DPP10: variants seen among roughly 807,000 people sequenced by gnomAD.
DPP10 encodes inactive dipeptidyl peptidase 10.
Under a neutral mutation model 120.9 loss-of-function variants are expected in DPP10, and 33 were observed. That is an observed-to-expected ratio of 0.27 (90% CI 0.21 to 0.37). The LOEUF is 0.37. Ranked by LOEUF, DPP10 falls within the 10% of genes least tolerant of loss-of-function variation. DPP10 has a pLI of 1.00. For synonymous variants in DPP10, 337 were observed against 326.1 expected (o/e 1.03, Z -0.36); for missense variants, 816 against 942.8 (o/e 0.87, Z 1.76).
chr2:115,319,126 G>C (rs540234999), intron 2 of DPP10, among the ~76,000 whole-genome samples: 3 of 152,048 alleles, frequency 2.0e-5, no homozygotes, highest in Admixed American at 2.0e-4. Flanking sequence ...GTTGGATATT[G>C]TCAAATAGAT....
chr2:114,521,804 G>GT (rs758908081), intron 1 of DPP10, among the ~76,000 whole-genome samples: 33,145 of 112,186 alleles, frequency 0.3, 6,280 homozygotes, highest in East Asian at 0.46. Context: ...ATTATCCAAG[G>GT]TTTTTTTTTT....
intron 5 of DPP10, among the ~76,000 whole-genome samples, chr2:115,658,813 C>T (rs1166793841): frequency 6.6e-6 from 1 of 152,126 alleles, no homozygotes; most frequent in Non-Finnish European, 1.5e-5. Context: ...TTATGTGAGA[C>T]TAAATGAAGG....
chr2:115,064,695 T>C (rs1442551286), intron 1 of DPP10: 5 of 1,300,732 alleles, frequency 3.8e-6, no homozygotes, highest in African/African-American at 1.5e-5. Context: ...GGAACTGACA[T>C]TGAAGTAAGA....
intron 1 of DPP10, among the ~76,000 whole-genome samples, chr2:115,006,328 G>T (rs1382806130): frequency 6.6e-6 from 1 of 151,226 alleles, no homozygotes; most frequent in Non-Finnish European, 1.5e-5. Context: ...AAAATAACCA[G>T]CTAGCATCAT....
At chr2:114,630,513 G>T (rs1456417276) in intron 1 of DPP10, among the ~76,000 whole-genome samples, 2 of 152,090 alleles carry the variant, frequency 1.3e-5, no homozygotes, top group African/African-American at 4.8e-5. Context: ...ATTTAAATGA[G>T]AAGACAAATA....
chr2:115,422,197 A>G (rs1574796090), intron 3 of DPP10, among the ~76,000 whole-genome samples: 1 of 152,322 alleles, frequency 6.6e-6, no homozygotes, highest in African/African-American at 2.4e-5. Flanking sequence ...AGGATCATTC[A>G]CTGTGAGAGG....
intron 1 of DPP10, among the ~76,000 whole-genome samples, chr2:114,666,871 C>A (rs542762042): frequency 1.1e-3 from 173 of 152,228 alleles, no homozygotes; most frequent in African/African-American, 3.9e-3. Context: ...ATGTCTTAAT[C>A]GTAACTATAT....
rs1389036347 is a variant in DPP10, at chr2:115,380,677, G to C, written c.271+36765G>C. The stretch of plus-strand genomic sequence containing the variant: ...GGTCTTTACATTTTGGCATGATTTT[G>C]CAGTGGCTGGTACCAGTTGTTCCTT... On this transcript the variant is annotated intron_variant, in intron 3 of 25. Coordinates refer to ENST00000410059, the MANE Select transcript of DPP10 (RefSeq NM_020868.6). Among the ~76,000 whole-genome samples the C allele has an allele frequency of 2.0e-5, 3 of 152,196 alleles. No homozygotes were observed. The East Asian group carries it at 5.8e-4, about 29-fold the overall frequency.
At chr2:114,799,274 C>A (rs1683983606) in intron 1 of DPP10, among the ~76,000 whole-genome samples, 1 of 152,164 alleles carries the variant, frequency 6.6e-6, no homozygotes, top group Admixed American at 6.5e-5. Flanking sequence ...TCAAAACTAA[C>A]CCCAACGTCT....
chr2:114,760,034 C>T (rs1214093729), intron 1 of DPP10, among the ~76,000 whole-genome samples: 1 of 152,174 alleles, frequency 6.6e-6, no homozygotes, highest in Non-Finnish European at 1.5e-5. Flanking sequence ...CCACCTGCAC[C>T]ATTACCACCC....
chr2:114,833,453 AT>A (rs1687322067), intron 1 of DPP10: 2 of 152,132 alleles, frequency 1.3e-5, no homozygotes, highest in African/African-American at 4.8e-5. Flanking sequence ...AAAAATCTTT[AT>A]TTAGCCATCA....
chr2:114,767,291 AAT>A (rs574719381), intron 1 of DPP10, among the ~76,000 whole-genome samples: 23 of 146,736 alleles, frequency 1.6e-4, no homozygotes, highest in South Asian at 2.1e-4. Flanking sequence ...AAAGATATAT[AAT>A]ATATATATAT....
intron 1 of DPP10, among the ~76,000 whole-genome samples, chr2:115,101,734 C>T (rs2048700085): frequency 1.3e-5 from 2 of 152,212 alleles, no homozygotes; most frequent in South Asian, 4.1e-4. Context: ...TAACTGGACT[C>T]CTAAAAACAT....
intron 1 of DPP10, among the ~76,000 whole-genome samples, chr2:114,879,005 G>C (rs1303618842): frequency 6.6e-6 from 1 of 152,076 alleles, no homozygotes; most frequent in Non-Finnish European, 1.5e-5. Flanking sequence ...TAAGAGAAAG[G>C]TGTGTGATTA....
At chr2:114,808,871 C>T (rs773622933) in intron 1 of DPP10, among the ~76,000 whole-genome samples, 13 of 152,116 alleles carry the variant, frequency 8.5e-5, no homozygotes, top group South Asian at 4.1e-4. Flanking sequence ...CCCCTAGTTT[C>T]TCCCTTTAAT....
At chr2:114,527,436 T>A (rs1685594750) in intron 1 of DPP10, among the ~76,000 whole-genome samples, 1 of 152,196 alleles carries the variant, frequency 6.6e-6, no homozygotes, top group Admixed American at 6.5e-5. Flanking sequence ...CCAGTGTGAT[T>A]GGCCTGGTTT....
At chr2:115,052,695 T>G (rs140958525) in intron 1 of DPP10, among the ~76,000 whole-genome samples, 2,712 of 152,266 alleles carry the variant, frequency 0.018, 77 homozygotes, top group African/African-American at 0.063. Context: ...CTCACACCTA[T>G]AATCCTAGCA....
intron 5 of DPP10, among the ~76,000 whole-genome samples, chr2:115,616,392 C>T (rs4848394): frequency 0.99 from 150,092 of 151,970 alleles, 74,150 homozygotes; most frequent in East Asian, 1. Context: ...ATGGTTATGC[C>T]GCTACTATGT....
intron 1 of DPP10, among the ~76,000 whole-genome samples, chr2:114,657,021 A>T (rs1697014301): frequency 6.6e-6 from 1 of 152,142 alleles, no homozygotes; most frequent in South Asian, 2.1e-4. Context: ...ATATGGGAAG[A>T]TCATAAATCT....
Sources: allele counts gnomAD v4.1 joint callset (sites outside exome capture counted in the v4.1 genomes callset), GRCh38; gene constraint gnomAD v4.1.1; transcripts MANE v1.5; gene names NCBI Gene and HGNC (gene_info 2026-07-23, HGNC 2026-07-21).